The following OR6N1 variants were observed in gnomAD, a reference collection of about 807,000 sequenced individuals.
The protein encoded by OR6N1 is olfactory receptor family 6 subfamily N member 1.
For missense variants in OR6N1, 394 were observed against 371.7 expected (o/e 1.06, Z -0.49); for synonymous variants, 170 against 150.7 (o/e 1.13, Z -0.94).
chr1:158,823,917 C>G, the OR6N1 span, among the ~76,000 whole-genome samples: 22 of 152,132 alleles, frequency 1.4e-4, no homozygotes, highest in Non-Finnish European at 2.9e-4. Flanking sequence ...TATCTTTGTT[C>G]CAATTCATTT....
chr1:158,778,037 G>A, the OR6N1 span, among the ~76,000 whole-genome samples: 42 of 152,310 alleles, frequency 2.8e-4, no homozygotes, highest in African/African-American at 9.4e-4. Flanking sequence ...CTATATGACT[G>A]TTCCCAAACA....
chr1:158,807,346 G>A, the OR6N1 span, among the ~76,000 whole-genome samples: 3 of 152,242 alleles, frequency 2.0e-5, no homozygotes, highest in Non-Finnish European at 2.9e-5. Context: ...CTGTAGGAAT[G>A]AGGAAAATGG....
chr1:158,778,866 A>C, the OR6N1 span, among the ~76,000 whole-genome samples: 1 of 151,798 alleles, frequency 6.6e-6, no homozygotes, highest in South Asian at 2.1e-4. Context: ...TACAAAAAAA[A>C]AATCAGCCGG....
At chr1:158,822,657 G>T in the OR6N1 span, among the ~76,000 whole-genome samples, 3 of 152,204 alleles carry the variant, frequency 2.0e-5, no homozygotes, top group Non-Finnish European at 2.9e-5. Flanking sequence ...TCTGCAAACA[G>T]AGATAGTTTG....
chr1:158,833,181 ATCTT>A, the OR6N1 span, among the ~76,000 whole-genome samples: 2 of 152,106 alleles, frequency 1.3e-5, no homozygotes, highest in Non-Finnish European at 2.9e-5. Flanking sequence ...TATTTGCTTG[ATCTT>A]TCTTCCCTTT....
chr1:158,778,716 T>A, the OR6N1 span, among the ~76,000 whole-genome samples: 2 of 152,112 alleles, frequency 1.3e-5, no homozygotes, highest in African/African-American at 2.4e-5. Flanking sequence ...GCTTGTTTGG[T>A]GTAAGAATGC....
chr1:158,787,635 T>TCTCTCACACACA, the OR6N1 span, among the ~76,000 whole-genome samples: 23 of 134,312 alleles, frequency 1.7e-4, no homozygotes, highest in East Asian at 8.8e-4. Context: ...TCTCTCTCTC[T>TCTCTCACACACA]CACACACACA....
At chr1:158,829,148 G>T in the OR6N1 span, among the ~76,000 whole-genome samples, 1 of 152,190 alleles carries the variant, frequency 6.6e-6, no homozygotes, top group Non-Finnish European at 1.5e-5. Flanking sequence ...ACGCCCTGGA[G>T]ATATTTTCCC....
chr1:158,817,585 T>A, the OR6N1 span, among the ~76,000 whole-genome samples: 1 of 152,248 alleles, frequency 6.6e-6, no homozygotes, highest in Non-Finnish European at 1.5e-5. Context: ...GTCTTTGATC[T>A]CTCTGCAAAA....
At chr1:158,785,666 T>C in the OR6N1 span, among the ~76,000 whole-genome samples, 1 of 152,126 alleles carries the variant, frequency 6.6e-6, no homozygotes, top group Non-Finnish European at 1.5e-5. Flanking sequence ...TTGTGCAAAG[T>C]ACCTAAGGAT....
At chr1:158,840,168 C>A in the OR6N1 span, among the ~76,000 whole-genome samples, 1 of 152,068 alleles carries the variant, frequency 6.6e-6, no homozygotes, top group Admixed American at 6.6e-5. Context: ...ATTAAGAGTT[C>A]TTCAACAAAT....
At chr1:158,826,277 A>AT in the OR6N1 span, among the ~76,000 whole-genome samples, 2 of 152,180 alleles carry the variant, frequency 1.3e-5, no homozygotes, top group African/African-American at 4.8e-5. Flanking sequence ...TAAAATAAAC[A>AT]TTTTTTTAAA....
At chr1:158,780,586 G>T in the OR6N1 span, among the ~76,000 whole-genome samples, 1 of 152,150 alleles carries the variant, frequency 6.6e-6, no homozygotes, top group Non-Finnish European at 1.5e-5. Flanking sequence ...CCTTATATGT[G>T]CTCAGAGAAC....
the OR6N1 span, among the ~76,000 whole-genome samples, chr1:158,796,545 A>G: frequency 2.0e-5 from 3 of 152,102 alleles, no homozygotes; most frequent in Non-Finnish European, 2.9e-5. Flanking sequence ...ATATACTTCT[A>G]ATTTCCAGGG....
At chr1:158,775,742 G>C (rs1015928475), upstream of OR6N1, 5 of 150,780 alleles carry the variant, frequency 3.3e-5, no homozygotes, top group Non-Finnish European at 5.9e-5. Flanking sequence ...TATATTTTGT[G>C]AAAAGATTGT....
Position 158,766,567 on chromosome 1 carries a change from A to G in OR6N1, c.116T>C (p.Val39Ala). 6.2e-7 allele frequency: 1 copy of G among 1,614,122 alleles called. No homozygotes were observed. Among genetic ancestry groups the G allele is most frequent in the Non-Finnish European group, 8.5e-7 (1 of 1,180,022 alleles). ...LLLLLIYLMT[V>A]LGNLLIFLVV... ...CAGGAATATCAGCAGGTTTCCCAACACAGTCATGAGGTAAATGAGAAGCAA... is the reference window on the plus strand; with the variant it reads ...CAGGAATATCAGCAGGTTTCCCAACGCAGTCATGAGGTAAATGAGAAGCAA... Residue 39 changes from valine to alanine, a missense_variant, in exon 2 of 2, where the codon GTG (valine) becomes GCG (alanine). Coordinates refer to ENST00000641846, the MANE Select transcript of OR6N1 (RefSeq NM_001005185.2).
At chr1:158,805,679 G>A in the OR6N1 span, among the ~76,000 whole-genome samples, 1 of 152,112 alleles carries the variant, frequency 6.6e-6, no homozygotes, top group Non-Finnish European at 1.5e-5. Flanking sequence ...AAAGAATATA[G>A]AATAGAGTAC....
At chr1:158,800,026 C>T in the OR6N1 span, among the ~76,000 whole-genome samples, 6 of 152,024 alleles carry the variant, frequency 3.9e-5, no homozygotes, top group African/African-American at 7.2e-5. Context: ...CGTTAGAAAA[C>T]GTTGGTGCTA....
At chr1:158,790,111 T>C in the OR6N1 span, among the ~76,000 whole-genome samples, 2 of 152,228 alleles carry the variant, frequency 1.3e-5, no homozygotes, top group Non-Finnish European at 2.9e-5. Context: ...CCTCAATGTA[T>C]GTTCGTGGTG....
Sources: allele counts gnomAD v4.1 joint callset (sites outside exome capture counted in the v4.1 genomes callset), GRCh38; gene constraint gnomAD v4.1.1; transcripts MANE v1.5; gene names NCBI Gene and HGNC (gene_info 2026-07-23, HGNC 2026-07-21).